Variants in C8orf76 observed in about 807,000 individuals in gnomAD.
The protein encoded by C8orf76 is uncharacterized protein C8orf76.
Under a neutral mutation model 38.1 loss-of-function variants are expected in C8orf76, and 46 were observed. The observed-to-expected ratio is 1.21, with a 90% confidence interval of 0.95 to 1.54. The LOEUF (loss-of-function observed/expected upper bound fraction) is 1.54. Among genes scored for constraint, C8orf76 ranks in the 40% most tolerant of loss-of-function variants. The probability of loss-of-function intolerance (pLI) is 0.00; values close to 1 mark genes in which losing one functional copy is unlikely to be tolerated. For synonymous variants in C8orf76, 166 were observed against 167.5 expected (o/e 0.99, Z 0.07); for missense variants, 461 against 441.6 (o/e 1.04, Z -0.39).
chr8:123,235,924 CTG>C (rs1342477325), intron 3 of C8orf76, among the ~76,000 whole-genome samples: 2 of 152,204 alleles, frequency 1.3e-5, no homozygotes, highest in African/African-American at 4.8e-5. Flanking sequence ...GCCAAGAGCA[CTG>C]TTAATTTGCG....
chr8:123,233,719 ACTC>A (rs1355329369), intron 3 of C8orf76, among the ~76,000 whole-genome samples: 1 of 151,094 alleles, frequency 6.6e-6, no homozygotes, highest in African/African-American at 2.4e-5. Context: ...GGATTAGTAA[ACTC>A]CTTCTGGAAA....
In C8orf76 at chr8:123,231,775, AG is replaced by A. The variant is rs764600082; in HGVS notation, c.358-19del. On this transcript the variant is annotated intron_variant, in intron 3 of 5. Coordinates refer to ENST00000276704, the MANE Select transcript of C8orf76 (RefSeq NM_032847.3). ...TTATTTTCCTAAGGAGAAAAAAAAA[AG>A]GTTAAGAAGTTTAAACTTCAAAGCA... The A allele has an allele frequency of 2.6e-6, 4 of 1,538,658 alleles. No individual in the cohort carries two copies. The highest frequency in any genetic ancestry group is 2.3e-5 in the East Asian group (1 of 44,340).
intron 3 of C8orf76, among the ~76,000 whole-genome samples, chr8:123,234,988 T>C (rs1263161886): frequency 6.6e-6 from 1 of 152,106 alleles, no homozygotes; most frequent in East Asian, 1.9e-4. Context: ...CTGATGTATA[T>C]GTGCGCTGGC....
intron 1 of C8orf76, chr8:123,239,771 T>C (rs1825620537): frequency 6.6e-6 from 1 of 151,990 alleles, no homozygotes. Context: ...GGCAGATCAC[T>C]TGAGGTTAGG....
At chr8:123,227,912 C>G (rs138070377) in intron 4 of C8orf76, among the ~76,000 whole-genome samples, 2 of 152,294 alleles carry the variant, frequency 1.3e-5, no homozygotes, top group Non-Finnish European at 2.9e-5. Context: ...CCTACCCGGC[C>G]TCGGGAAGCA....
rs1356626505 is a variant in C8orf76, at chr8:123,231,667, T to C, written c.448A>G (p.Ile150Val). 1.9e-6 allele frequency: 3 copies of C among 1,614,084 alleles called. No individual in the cohort carries two copies. Among genetic ancestry groups the C allele is most frequent in the South Asian group, 2.2e-5 (2 of 91,074 alleles). Residue 150 changes from isoleucine to valine, a missense_variant, in exon 4 of 6, where the codon ATT becomes GTT. Physicochemically the swap from Ile to Val is conservative, Grantham distance 29. Coordinates refer to ENST00000276704, the MANE Select transcript of C8orf76 (RefSeq NM_032847.3). Reference sequence around the variant, plus strand: ...GAAATCAGTTTCTGCAGGCAGAAAATTGTTTTCTCCAAGTTCTGCAAACTT... The same window carrying C: ...GAAATCAGTTTCTGCAGGCAGAAAACTGTTTTCTCCAAGTTCTGCAAACTT... Reference protein sequence around the residue: ...CSSLQNLEKTIFCLQKLISLH... With the variant: ...CSSLQNLEKTVFCLQKLISLH...
At chr8:123,224,122 G>C (rs1824960476) in intron 5 of C8orf76, among the ~76,000 whole-genome samples, 2 of 151,904 alleles carry the variant, frequency 1.3e-5, no homozygotes, top group African/African-American at 4.8e-5. Flanking sequence ...TATTTTATCA[G>C]AGTAAAAAAG....
intron 3 of C8orf76, among the ~76,000 whole-genome samples, chr8:123,234,764 A>G (rs1825398594): frequency 6.6e-6 from 1 of 151,808 alleles, no homozygotes; most frequent in African/African-American, 2.4e-5. Context: ...GCGAGACTCC[A>G]TCTAAAAAAC....
chr8:123,241,208 C>A, intron 1 of C8orf76, 22 bp downstream of exon 1: 1 of 1,571,942 alleles, frequency 6.4e-7, no homozygotes, highest in South Asian at 1.1e-5. Flanking sequence ...CGGGATAAGG[C>A]GAAGAGGCCC....
chr8:123,235,522 C>T (rs564233042), intron 3 of C8orf76, among the ~76,000 whole-genome samples: 2 of 152,186 alleles, frequency 1.3e-5, no homozygotes, highest in East Asian at 1.9e-4. Context: ...CGTGCAGACA[C>T]GCAAGGTCCG....
chr8:123,221,853 G>T (rs2131129209), intron 5 of C8orf76, among the ~76,000 whole-genome samples: 1 of 152,290 alleles, frequency 6.6e-6, no homozygotes, highest in East Asian at 1.9e-4. Flanking sequence ...AGGCTGCAGT[G>T]AGCTATGACT....
chr8:123,226,357 G>A, intron 5 of C8orf76, 143 bp downstream of exon 5: 1 of 1,489,656 alleles, frequency 6.7e-7, no homozygotes, highest in Non-Finnish European at 8.8e-7. Flanking sequence ...CTTGGTGATT[G>A]CTGAGTGATC....
chr8:123,228,696 A>G (rs1361361089), intron 4 of C8orf76, among the ~76,000 whole-genome samples: 1 of 152,148 alleles, frequency 6.6e-6, no homozygotes, highest in Admixed American at 6.5e-5. Context: ...TAAAACCTGC[A>G]AATACTCTTC....
At chr8:123,222,863 G>A (rs1267380397) in intron 5 of C8orf76, among the ~76,000 whole-genome samples, 3 of 152,144 alleles carry the variant, frequency 2.0e-5, no homozygotes, top group African/African-American at 7.2e-5. Context: ...CAGGATCAGG[G>A]TAGAAAAAAC....
rs756729105 is a variant in C8orf76 at position 123,220,310 on chromosome 8, G to GAAA, written c.949-16_949-14dup. The GAAA allele has an allele frequency of 1.5e-5, 19 of 1,247,476 alleles. No individual in the cohort carries two copies. The highest frequency in any genetic ancestry group is 6.6e-5 in the South Asian group (4 of 60,226). The allele number at this position is 1,247,476 out of a possible 1,614,324, so 77.3% of individuals were successfully genotyped here. On this transcript the variant is annotated splice_polypyrimidine_tract_variant and intron_variant, in intron 5 of 5. Coordinates refer to ENST00000276704, the MANE Select transcript of C8orf76 (RefSeq NM_032847.3). Reference sequence around the variant, plus strand: ...CTTCTCCCATAACCTATAACAGGAGGAAAAAAAAAAACTGTCCCAATAAAA... The same window carrying GAAA: ...CTTCTCCCATAACCTATAACAGGAGGAAAAAAAAAAAAAACTGTCCCAATAAAA...
chr8:123,233,807 T>C (rs1442123901), intron 3 of C8orf76, among the ~76,000 whole-genome samples: 2 of 151,900 alleles, frequency 1.3e-5, no homozygotes, highest in Non-Finnish European at 2.9e-5. Context: ...GGCGGGCGGA[T>C]CATGAGTTCA....
At chr8:123,233,459 A>G (rs1249654685) in intron 3 of C8orf76, among the ~76,000 whole-genome samples, 1 of 151,864 alleles carries the variant, frequency 6.6e-6, no homozygotes, top group Non-Finnish European at 1.5e-5. Context: ...CAGTGGCGTG[A>G]TCTCGACTCA....
rs766666062 is a variant in C8orf76, at chr8:123,226,557, A to T, written c.891T>A (p.Ile297=). The T allele has an allele frequency of 1.2e-6, 2 of 1,613,562 alleles. No homozygotes were observed. Among genetic ancestry groups the T allele is most frequent in the Non-Finnish European group, 8.5e-7 (1 of 1,179,922 alleles). The change falls in exon 5 of 6, where the codon ATT becomes ATA. Residue 297 remains isoleucine, a synonymous_variant. Coordinates refer to ENST00000276704, the MANE Select transcript of C8orf76 (RefSeq NM_032847.3). ...LERNLRTQQE[I]EDKMKGFSFK... is the part of the protein sequence containing the mutation. The stretch of plus-strand genomic sequence containing the variant: ...AGCTGAACCCTTTCATTTTATCTTC[A>T]ATTTCCTGCTGAGTCCTTAAGTTCC...
intron 4 of C8orf76, among the ~76,000 whole-genome samples, chr8:123,230,078 ACT>A (rs1445271521): frequency 6.6e-6 from 1 of 152,168 alleles, no homozygotes; most frequent in Non-Finnish European, 1.5e-5. Flanking sequence ...AGTAAGCCTC[ACT>A]GTTAATATTT....
Sources: allele counts gnomAD v4.1 joint callset (sites outside exome capture counted in the v4.1 genomes callset), GRCh38; gene constraint gnomAD v4.1.1; transcripts MANE v1.5; gene names NCBI Gene and HGNC (gene_info 2026-07-23, HGNC 2026-07-21).